The following MALRD1 variants were observed in gnomAD, a reference collection of about 807,000 sequenced individuals.
MALRD1 encodes the protein MAM and LDL-receptor class A domain-containing protein 1.
In MALRD1, 247 loss-of-function variants were observed where a neutral mutation model predicts 242.1. The ratio of observed to expected loss-of-function variants is 1.02; its 90% confidence interval spans 0.92 to 1.13. MALRD1 has a LOEUF of 1.13. Among genes scored for constraint, MALRD1 ranks in the 50% most tolerant of loss-of-function variants. The pLI, the probability that MALRD1 is intolerant of heterozygous loss-of-function variation, is 0.00. For missense variants in MALRD1, 2,989 were observed against 2,533.1 expected, an observed-to-expected ratio of 1.18 and a Z score of -3.86; for synonymous variants, 995 against 866.6, an observed-to-expected ratio of 1.15 and a Z score of -2.60.
chr10:19,541,769 T>C (rs1834984119), intron 32 of MALRD1, among the ~76,000 whole-genome samples: 1 of 152,212 alleles, frequency 6.6e-6, no homozygotes, highest in African/African-American at 2.4e-5. Flanking sequence ...ATTAACACTT[T>C]AGCAAAGATG....
chr10:19,496,250 C>G (rs1435800599), intron 30 of MALRD1, among the ~76,000 whole-genome samples: 1 of 152,142 alleles, frequency 6.6e-6, no homozygotes, highest in Non-Finnish European at 1.5e-5. Context: ...ACCCTACCCC[C>G]AAACCACAGA....
rs77636143 is a variant in MALRD1, at chr10:19,717,486, A to C, written c.6315-13220A>C. ...AGATACCAGCAGTTTTCCCCTCCAT[A>C]ACATCTGGGCCATCAGTGTAAATGT... is the stretch of plus-strand genomic sequence containing the variant. On this transcript the variant is annotated intron_variant, in intron 38 of 39. Transcript: ENST00000454679. 2.4e-3 allele frequency among the ~76,000 whole-genome samples: 368 copies of C among 152,300 alleles called. 10 individuals carry two copies. The East Asian group carries it at 0.051, about 21-fold the overall frequency.
chr10:19,577,164 A>G (rs1836872060), intron 33 of MALRD1, among the ~76,000 whole-genome samples: 1 of 152,156 alleles, frequency 6.6e-6, no homozygotes, highest in African/African-American at 2.4e-5. Context: ...TCAGTTAGTG[A>G]TTCATAAGGC....
intron 8 of MALRD1, among the ~76,000 whole-genome samples, 156 bp downstream of exon 8, chr10:19,128,543 G>T (rs1837352883): frequency 6.6e-6 from 1 of 152,112 alleles, no homozygotes; most frequent in African/African-American, 2.4e-5. Context: ...AAGAAACTAG[G>T]ATAGGGGACA....
At chr10:19,377,295 A>G (rs1384830003) in intron 26 of MALRD1, among the ~76,000 whole-genome samples, 3 of 152,132 alleles carry the variant, frequency 2.0e-5, no homozygotes, top group Non-Finnish European at 4.4e-5. Context: ...TGCATGGGTT[A>G]TTTTTATATA....
chr10:19,729,460 T>TAA (rs1413070432), intron 38 of MALRD1, among the ~76,000 whole-genome samples: 1 of 152,112 alleles, frequency 6.6e-6, no homozygotes, highest in Non-Finnish European at 1.5e-5. Context: ...CTCGTGTCAT[T>TAA]AAGCTCTTAA....
chr10:19,146,226 G>A lies in MALRD1; in HGVS notation c.1440G>A (p.Ser480=), dbSNP rs370749228. The change falls in exon 11 of 40, where the codon TCG becomes TCA. Residue 480 remains serine, a synonymous_variant. Coordinates refer to ENST00000454679, the MANE Select transcript of MALRD1 (RefSeq NM_001142308.3). ...CSKHLTCDFE[S]GFCGWEPFLT... ...AGCATCTCACCTGTGACTTTGAGTC[G>A]GGTTTCTGCGGTTGGGAGCCATTTC... 6.5e-6 allele frequency: 8 copies of A among 1,231,396 alleles called. No homozygotes were observed. Among genetic ancestry groups the A allele is most frequent in the African/African-American group, 6.2e-5 (4 of 64,336 alleles). 76.3% of individuals were successfully genotyped at this position (1,231,396 alleles called of 1,614,324 possible).
At chr10:19,292,439 A>G (rs1448209123) in intron 21 of MALRD1, among the ~76,000 whole-genome samples, 4 of 152,144 alleles carry the variant, frequency 2.6e-5, no homozygotes, top group Non-Finnish European at 4.4e-5. Context: ...TTGAATATAC[A>G]CTATCTTGAA....
At chr10:19,136,811 A>G (rs1403487722) in intron 10 of MALRD1, 30 bp downstream of exon 10, 38 of 1,209,530 alleles carry the variant, frequency 3.1e-5, no homozygotes, top group African/African-American at 4.7e-5. Flanking sequence ...ACTAGTTTAC[A>G]TGCTCTAATT....
chr10:19,527,588 AG>A (rs914837044), intron 31 of MALRD1, among the ~76,000 whole-genome samples: 1 of 152,200 alleles, frequency 6.6e-6, no homozygotes, highest in Admixed American at 6.5e-5. Flanking sequence ...TCTGCTTCTG[AG>A]ATGGAAGTAC....
intron 32 of MALRD1, among the ~76,000 whole-genome samples, chr10:19,538,406 G>T (rs755891881): frequency 6.6e-6 from 1 of 152,120 alleles, no homozygotes; most frequent in Admixed American, 6.5e-5. Context: ...CAAACCAGAA[G>T]AACTTACAAA....
At chr10:19,585,860 C>T (rs1263026077) in intron 33 of MALRD1, among the ~76,000 whole-genome samples, 8 of 152,306 alleles carry the variant, frequency 5.3e-5, no homozygotes, top group Middle Eastern at 3.4e-3. Context: ...CTTTCAGGTA[C>T]ACCAATCAGA....
intron 8 of MALRD1, among the ~76,000 whole-genome samples, chr10:19,131,559 A>G (rs1564412041): frequency 6.6e-6 from 1 of 152,278 alleles, no homozygotes; most frequent in East Asian, 1.9e-4. Flanking sequence ...ATAAATTTAC[A>G]TGTAATTTTT....
intron 32 of MALRD1, among the ~76,000 whole-genome samples, chr10:19,559,588 TTCA>T (rs1167760063): frequency 6.6e-6 from 1 of 152,122 alleles, no homozygotes; most frequent in Non-Finnish European, 1.5e-5. Flanking sequence ...GGTCAAAGAC[TTCA>T]TGACTAAAAC....
intron 18 of MALRD1, among the ~76,000 whole-genome samples, chr10:19,239,912 A>G (rs925264142): frequency 6.6e-6 from 1 of 152,086 alleles, no homozygotes; most frequent in Non-Finnish European, 1.5e-5. Context: ...TTTGTAGTAT[A>G]TTTTGAAGTC....
intron 29 of MALRD1, among the ~76,000 whole-genome samples, chr10:19,466,630 A>C (rs113003301): frequency 1.3e-5 from 2 of 152,150 alleles, no homozygotes; most frequent in African/African-American, 2.4e-5. Context: ...TGTTATTACA[A>C]GTTCTTTCCT....
At chr10:19,567,724 A>G in intron 33 of MALRD1, 21 bp downstream of exon 33, 2 of 1,541,264 alleles carry the variant, frequency 1.3e-6, no homozygotes, top group Non-Finnish European at 1.8e-6. Flanking sequence ...CTTTCAGAAA[A>G]TGGGAATAAG....
At chr10:19,512,838 T>G (rs1699069180) in intron 31 of MALRD1, among the ~76,000 whole-genome samples, 1 of 152,172 alleles carries the variant, frequency 6.6e-6, no homozygotes, top group Admixed American at 6.5e-5. Flanking sequence ...TTTCATAATT[T>G]AAGTCATTTT....
chr10:19,502,012 C>CAAAAA (rs1181159875), intron 31 of MALRD1, among the ~76,000 whole-genome samples: 78 of 40,286 alleles, frequency 1.9e-3, no homozygotes, highest in African/African-American at 9.7e-3. Flanking sequence ...GATTCTGTCT[C>CAAAAA]AAAAAAAAAA....
Sources: gnomAD v4.1 joint callset for allele counts (sites outside exome capture counted in the v4.1 genomes callset) on GRCh38, gnomAD v4.1.1 for gene constraint, MANE v1.5 for transcripts, NCBI Gene and HGNC (gene_info 2026-07-23, HGNC 2026-07-21) for gene names.